MIR2052HG: variants seen among roughly 807,000 people sequenced by gnomAD.
MIR2052HG encodes MIR2052 host gene.
intron 2 of MIR2052HG, among the ~76,000 whole-genome samples, chr8:74,651,366 A>T (rs796983620): frequency 4.9e-4 from 75 of 152,230 alleles, no homozygotes; most frequent in African/African-American, 1.8e-3. Flanking sequence ...TTGACAGGTA[A>T]TGGTTAGAAG....
intron 4 of MIR2052HG, among the ~76,000 whole-genome samples, chr8:74,728,806 T>A (rs1809661293): frequency 6.6e-6 from 1 of 152,196 alleles, no homozygotes; most frequent in African/African-American, 2.4e-5. Flanking sequence ...AGATTCAAAG[T>A]CTGCCATGCT....
intron 1 of MIR2052HG, chr8:74,603,677 C>A: frequency 9.7e-7 from 1 of 1,029,326 alleles, no homozygotes; most frequent in Non-Finnish European, 1.5e-6. Context: ...TGACCGCCTG[C>A]AAAGATGACC....
chr8:74,714,037 A>G (rs571330023), intron 4 of MIR2052HG, among the ~76,000 whole-genome samples: 1 of 152,198 alleles, frequency 6.6e-6, no homozygotes, highest in Non-Finnish European at 1.5e-5. Context: ...CCGCAAGTGG[A>G]ATACCTTGTG....
intron 2 of MIR2052HG, among the ~76,000 whole-genome samples, chr8:74,644,743 T>A (rs1375358272): frequency 6.6e-6 from 1 of 151,728 alleles, no homozygotes; most frequent in African/African-American, 2.4e-5. Context: ...ATAAATAAAT[T>A]AGCCGGGCAT....
At chr8:74,748,317 A>C (rs1354760444) in intron 4 of MIR2052HG, among the ~76,000 whole-genome samples, 1 of 152,234 alleles carries the variant, frequency 6.6e-6, no homozygotes, top group Non-Finnish European at 1.5e-5. Flanking sequence ...TTCTTGGTCT[A>C]GTAAAAGTCC....
chr8:74,696,291 A>T (rs1391966158), intron 2 of MIR2052HG, among the ~76,000 whole-genome samples: 1 of 152,120 alleles, frequency 6.6e-6, no homozygotes, highest in Non-Finnish European at 1.5e-5. Flanking sequence ...TAGTGACACA[A>T]CCTCTCAAAA....
At chr8:74,726,059 C>T (rs1006613503) in intron 4 of MIR2052HG, among the ~76,000 whole-genome samples, 3 of 151,868 alleles carry the variant, frequency 2.0e-5, no homozygotes, top group African/African-American at 4.8e-5. Flanking sequence ...CAGGTGTGGT[C>T]GTGGGCACCT....
exon 2 of MIR2052HG, chr8:74,612,854 T>G (rs556953216): frequency 1.3e-5 from 6 of 456,208 alleles, no homozygotes; most frequent in African/African-American, 1.2e-4. Flanking sequence ...TTTCTGCAGT[T>G]CCCGAGAGAT....
chr8:74,725,465 A>G (rs1809623712), intron 4 of MIR2052HG, among the ~76,000 whole-genome samples: 1 of 152,222 alleles, frequency 6.6e-6, no homozygotes, highest in Non-Finnish European at 1.5e-5. Context: ...GTTGACTTGG[A>G]ATGAATAATG....
At chr8:74,631,754 A>G (rs1289650926) in intron 2 of MIR2052HG, among the ~76,000 whole-genome samples, 1 of 152,162 alleles carries the variant, frequency 6.6e-6, no homozygotes, top group African/African-American at 2.4e-5. Context: ...GTCCAAGGTC[A>G]AGGCACCAGC....
intron 4 of MIR2052HG, among the ~76,000 whole-genome samples, chr8:74,708,209 A>G (rs1047345284): frequency 6.6e-6 from 1 of 152,136 alleles, no homozygotes; most frequent in Non-Finnish European, 1.5e-5. Flanking sequence ...GGATCTTAAT[A>G]TCCTCTGCCA....
At chr8:74,661,306 G>A (rs567884595) in intron 2 of MIR2052HG, among the ~76,000 whole-genome samples, 85 of 151,282 alleles carry the variant, frequency 5.6e-4, no homozygotes, top group Non-Finnish European at 8.8e-4. Flanking sequence ...AGGTTCAAGC[G>A]ATTCTCCTGC....
intron 2 of MIR2052HG, among the ~76,000 whole-genome samples, chr8:74,660,900 G>A (rs753868902): frequency 1.3e-5 from 2 of 152,030 alleles, no homozygotes; most frequent in Non-Finnish European, 2.9e-5. Flanking sequence ...GGAAATTGGA[G>A]GAGATCCGAT....
intron 4 of MIR2052HG, among the ~76,000 whole-genome samples, chr8:74,713,039 C>T (rs1054132906): frequency 6.6e-6 from 1 of 151,940 alleles, no homozygotes; most frequent in African/African-American, 2.4e-5. Context: ...GCAGAGGAGG[C>T]CGTGGTTAAA....
intron 2 of MIR2052HG, chr8:74,628,889 A>T (rs1026082173): frequency 8.6e-6 from 1 of 116,918 alleles, no homozygotes; most frequent in Non-Finnish European, 2.1e-5. Flanking sequence ...ATTGCTGGAA[A>T]AAGAAAAAAA....
intron 4 of MIR2052HG, among the ~76,000 whole-genome samples, chr8:74,743,168 C>T (rs955839112): frequency 1.3e-5 from 2 of 151,482 alleles, no homozygotes; most frequent in Admixed American, 6.6e-5. Context: ...TGTGAACAGA[C>T]TAAAAACCAC....
chr8:74,667,605 G>A (rs975253678), intron 2 of MIR2052HG, among the ~76,000 whole-genome samples: 1 of 152,056 alleles, frequency 6.6e-6, no homozygotes, highest in Non-Finnish European at 1.5e-5. Context: ...AAGCATGGAT[G>A]GAATCCTCCT....
intron 4 of MIR2052HG, among the ~76,000 whole-genome samples, chr8:74,713,291 T>C (rs1221077073): frequency 1.3e-5 from 2 of 152,284 alleles, no homozygotes; most frequent in African/African-American, 2.4e-5. Flanking sequence ...ATCACCTCTT[T>C]TGAACAATTT....
chr8:74,649,194 T>G (rs1310681002), intron 2 of MIR2052HG, among the ~76,000 whole-genome samples: 1 of 152,092 alleles, frequency 6.6e-6, no homozygotes, highest in East Asian at 1.9e-4. Context: ...AGAGAAGAAA[T>G]AAATAAATAA....
Sources: allele counts gnomAD v4.1 joint callset (sites outside exome capture counted in the v4.1 genomes callset), GRCh38; gene constraint gnomAD v4.1.1; transcripts MANE v1.5; gene names NCBI Gene and HGNC (gene_info 2026-07-23, HGNC 2026-07-21).